Variants in MSH3 observed in about 807,000 individuals in gnomAD.
The protein encoded by MSH3 is DNA mismatch repair protein Msh3.
In MSH3, 106 loss-of-function variants were observed where a neutral mutation model predicts 123.3. The ratio of observed to expected loss-of-function variants is 0.86; its 90% confidence interval spans 0.73 to 1.01. The LOEUF is 1.01. MSH3 is among the 50% of genes least tolerant of loss of function. The probability of loss-of-function intolerance (pLI) is 0.00; values close to 1 mark genes in which losing one functional copy is unlikely to be tolerated. For synonymous variants in MSH3, 515 were observed against 481.4 expected, an observed-to-expected ratio of 1.07 and a Z score of -0.91; for missense variants, 1,459 against 1,347.6, an observed-to-expected ratio of 1.08 and a Z score of -1.29.
chr5:80,807,153 TG>T (rs1249361805), intron 19 of MSH3, among the ~76,000 whole-genome samples: 3 of 134,490 alleles, frequency 2.2e-5, no homozygotes, highest in African/African-American at 5.8e-5. Context: ...TTTGCACCAC[TG>T]CACTCTAGCC....
chr5:80,674,933 A>G, intron 6 of MSH3, 50 bp from the exon 7 acceptor site: 1 of 1,384,148 alleles, frequency 7.2e-7, no homozygotes, highest in East Asian at 2.5e-5. Flanking sequence ...AATTTAGCAT[A>G]TTAGGATTTA....
chr5:80,828,077 A>G (rs1040877391), intron 20 of MSH3, among the ~76,000 whole-genome samples: 3 of 152,072 alleles, frequency 2.0e-5, no homozygotes, highest in Non-Finnish European at 2.9e-5. Flanking sequence ...TACCACCCAA[A>G]GTCCATAGTT....
chr5:80,661,089 G>A (rs1749424912), intron 2 of MSH3, among the ~76,000 whole-genome samples: 1 of 152,140 alleles, frequency 6.6e-6, no homozygotes, highest in Non-Finnish European at 1.5e-5. Flanking sequence ...GAGCCACCGT[G>A]CCCAGCTGCC....
intron 17 of MSH3, among the ~76,000 whole-genome samples, chr5:80,780,138 A>G (rs1744384279): frequency 6.6e-6 from 1 of 152,172 alleles, no homozygotes; most frequent in African/African-American, 2.4e-5. Flanking sequence ...GGCAGTTTTA[A>G]GTCATGGCAT....
At chr5:80,705,135 A>G (rs976238549) in intron 8 of MSH3, among the ~76,000 whole-genome samples, 1 of 152,248 alleles carries the variant, frequency 6.6e-6, no homozygotes, top group Non-Finnish European at 1.5e-5. Flanking sequence ...TTATTCATTC[A>G]GCATTTATTT....
chr5:80,746,195 A>G (rs371673942), intron 12 of MSH3: 1 of 205,494 alleles, frequency 4.9e-6, no homozygotes, highest in African/African-American at 2.4e-5. Flanking sequence ...CACACCACAC[A>G]TTCACTGAGG....
At chr5:80,744,451 A>G (rs954217418) in intron 11 of MSH3, 55 bp from the exon 12 acceptor site, 1 of 1,280,046 alleles carries the variant, frequency 7.8e-7, no homozygotes, top group Admixed American at 1.8e-5. Context: ...ATGAAATAAC[A>G]ATTTGGCACA....
intron 8 of MSH3, among the ~76,000 whole-genome samples, chr5:80,698,212 A>G (rs1372541726): frequency 1.3e-5 from 2 of 152,162 alleles, no homozygotes; most frequent in African/African-American, 4.8e-5. Context: ...CAAAATCTGC[A>G]TTTTGATGGA....
intron 6 of MSH3, 52 bp from the exon 7 acceptor site, chr5:80,674,931 A>G (rs764234846): frequency 1.5e-5 from 20 of 1,363,748 alleles, no homozygotes; most frequent in Non-Finnish European, 1.7e-5. Flanking sequence ...GAAATTTAGC[A>G]TATTAGGATT....
At chr5:80,712,675 T>C (rs375153236) in intron 8 of MSH3, among the ~76,000 whole-genome samples, 22 of 141,904 alleles carry the variant, frequency 1.6e-4, no homozygotes, top group African/African-American at 4.9e-4. Context: ...ATGTCAGATA[T>C]ATTTGATATT....
At chr5:80,834,571 A>G (rs245380) in intron 20 of MSH3, among the ~76,000 whole-genome samples, 104,076 of 148,008 alleles carry the variant, frequency 0.7, 36,604 homozygotes, top group South Asian at 0.8. Context: ...AACAATTTTA[A>G]TATTTAAACT....
At chr5:80,725,374 C>CT in intron 8 of MSH3, 79 bp from the exon 9 acceptor site, 1 of 886,910 alleles carries the variant, frequency 1.1e-6, no homozygotes, top group South Asian at 1.5e-5. Context: ...TTTTTTTTTC[C>CT]TCTTCTGGCC....
At chr5:80,817,207 C>T (rs997366176) in intron 20 of MSH3, among the ~76,000 whole-genome samples, 7 of 152,046 alleles carry the variant, frequency 4.6e-5, no homozygotes, top group African/African-American at 1.7e-4. Context: ...GTCATGGGAG[C>T]GAGGGGAAAG....
chr5:80,665,498 G>A, intron 3 of MSH3, 135 bp downstream of exon 3: 3 of 698,534 alleles, frequency 4.3e-6, no homozygotes, highest in Non-Finnish European at 7.3e-6. Context: ...GGGAGCTTTT[G>A]TGTTTTAGTT....
chr5:80,761,477 T>C, intron 12 of MSH3, 69 bp from the exon 13 acceptor site: 1 of 1,576,772 alleles, frequency 6.3e-7, no homozygotes, highest in Non-Finnish European at 8.7e-7. Context: ...TCCTGGGCAT[T>C]AGAGTGGGAA....
intron 12 of MSH3, among the ~76,000 whole-genome samples, chr5:80,752,736 A>G (rs901638002): frequency 6.6e-6 from 1 of 152,194 alleles, no homozygotes; most frequent in Non-Finnish European, 1.5e-5. Context: ...GAATACCAAA[A>G]AATTGGAAGC....
Position 80,876,350 on chromosome 5 carries a change from C to T in MSH3, c.*488C>T, listed in dbSNP as rs1020849875. ...AGGCATGGTGGCTCATGCCTGTAATCCCAGCACTTTGGGAGGCCAAGGTAG... is the reference window on the plus strand; with the variant it reads ...AGGCATGGTGGCTCATGCCTGTAATTCCAGCACTTTGGGAGGCCAAGGTAG... On this transcript the variant is annotated 3_prime_UTR_variant, in exon 24 of 24. Transcript: ENST00000265081. The T allele has an allele frequency of 2.7e-5, 5 of 187,400 alleles. No individual in the cohort carries two copies. The highest frequency in any genetic ancestry group is 5.6e-5 in the Non-Finnish European group (5 of 89,442). 11.6% of individuals were successfully genotyped at this position (187,400 alleles called of 1,614,324 possible). A position where few individuals can be genotyped will look rare whatever the true frequency, so the allele number is the denominator to read the frequency against.
chr5:80,790,493 C>T (rs1393758830), intron 18 of MSH3, among the ~76,000 whole-genome samples: 1 of 152,050 alleles, frequency 6.6e-6, no homozygotes, highest in Non-Finnish European at 1.5e-5. Context: ...TATCTTGGAA[C>T]ATTTTGTTAT....
At chr5:80,855,870 CCTCTTT>C (rs1322496168) in intron 21 of MSH3, 3 of 131,386 alleles carry the variant, frequency 2.3e-5, no homozygotes, top group Non-Finnish European at 4.6e-5. Flanking sequence ...TCCTCCTCCT[CCTCTTT>C]TTTTTTTTTT....
Sources: allele counts gnomAD v4.1 joint callset (sites outside exome capture counted in the v4.1 genomes callset), GRCh38; gene constraint gnomAD v4.1.1; transcripts MANE v1.5; gene names NCBI Gene and HGNC (gene_info 2026-07-23, HGNC 2026-07-21).